Variants in BATF observed in about 807,000 individuals in gnomAD.
The protein encoded by BATF is basic leucine zipper transcriptional factor ATF-like.
A neutral mutation model predicts 13.7 loss-of-function variants in BATF; 5 were observed. The observed-to-expected ratio is 0.36, with a 90% CI of 0.19 to 0.77. The LOEUF is 0.77. Ranked by LOEUF, BATF falls within the 30% of genes least tolerant of loss-of-function variation. The pLI is 0.51. For synonymous variants in BATF, 72 were observed against 67.5 expected (o/e 1.07, Z -0.33); for missense variants, 124 against 163.0 (o/e 0.76, Z 1.30).
chr14:75,531,231 C>T (rs1400411040), intron 2 of BATF, among the ~76,000 whole-genome samples: 1 of 152,164 alleles, frequency 6.6e-6, no homozygotes, highest in Non-Finnish European at 1.5e-5. Flanking sequence ...GTCCACAGTA[C>T]TATATGATAA....
chr14:75,539,418 G>A (rs1887863530), intron 2 of BATF, among the ~76,000 whole-genome samples: 1 of 61,328 alleles, frequency 1.6e-5, no homozygotes, highest in African/African-American at 5.7e-5. Context: ...GGTAAGGTAA[G>A]CTGGAATTTT....
chr14:75,541,056 C>A (rs1248791290), intron 2 of BATF, among the ~76,000 whole-genome samples: 8 of 152,082 alleles, frequency 5.3e-5, no homozygotes, highest in Non-Finnish European at 1.2e-4. Flanking sequence ...CCACTGCACT[C>A]CCAGTCTGGG....
intron 2 of BATF, among the ~76,000 whole-genome samples, chr14:75,534,724 T>C (rs1261533091): frequency 6.6e-6 from 1 of 152,216 alleles, no homozygotes; most frequent in East Asian, 1.9e-4. Flanking sequence ...AGTGAGGTTG[T>C]AGTGAAATGG....
intron 2 of BATF, among the ~76,000 whole-genome samples, chr14:75,536,346 G>A (rs949138580): frequency 7.2e-5 from 11 of 152,248 alleles, no homozygotes; most frequent in African/African-American, 1.7e-4. Flanking sequence ...GCCAAGCTGC[G>A]AGGCCAGGCA....
At position 75,522,510 on chromosome 14, in the gene BATF, C is replaced by A; in HGVS notation, c.-173C>A. 1 of 641,742 alleles carries A rather than the reference C, an allele frequency of 1.6e-6. No individual in the cohort carries two copies. The highest frequency in any genetic ancestry group is 1.8e-5 in the South Asian group (1 of 54,228). The allele number at this position is 641,742 out of a possible 1,614,324, so 39.8% of individuals were successfully genotyped here. A position where few individuals can be genotyped will look rare whatever the true frequency, so the allele number is the denominator to read the frequency against. On this transcript the variant is annotated 5_prime_UTR_variant, in exon 1 of 3. Transcript: ENST00000286639. Reference sequence around the variant, plus strand: ...CCCTTTGGGGAGCAGTCCCTCTGCACCCCAGAGTGAGGAGGACGCAGGGGT... The same window carrying A: ...CCCTTTGGGGAGCAGTCCCTCTGCAACCCAGAGTGAGGAGGACGCAGGGGT...
chr14:75,531,513 G>C (rs1311405727), intron 2 of BATF, among the ~76,000 whole-genome samples: 2 of 152,210 alleles, frequency 1.3e-5, no homozygotes, highest in Non-Finnish European at 2.9e-5. Flanking sequence ...TAACAGCCAA[G>C]TTTGAAAGCT....
intron 2 of BATF, among the ~76,000 whole-genome samples, chr14:75,527,776 T>C (rs1224332450): frequency 6.6e-6 from 1 of 152,228 alleles, no homozygotes; most frequent in African/African-American, 2.4e-5. Context: ...TGTTCCAATC[T>C]TCCCCACATC....
At chr14:75,536,439 T>C (rs1887817377) in intron 2 of BATF, among the ~76,000 whole-genome samples, 1 of 152,034 alleles carries the variant, frequency 6.6e-6, no homozygotes, top group South Asian at 2.1e-4. Context: ...TAATGGCAAT[T>C]GTAGGGCTGA....
At position 75,543,884 on chromosome 14, in the gene BATF, T is replaced by A. The variant is rs368082462; in HGVS notation, c.169-2578T>A. Among the ~76,000 whole-genome samples the A allele has an allele frequency of 6.4e-4, 97 of 151,726 alleles. 1 individual carries two copies. In the South Asian group the frequency reaches 0.02, roughly 31 times the overall value. On this transcript the variant is annotated intron_variant, in intron 2 of 2. Transcript: ENST00000286639. ...GCTGGGCTCAAGCGATCCTCTCACCTCGGCCTCCCAAAGTGCTGGGATTAT... is the reference window on the plus strand; with the variant it reads ...GCTGGGCTCAAGCGATCCTCTCACCACGGCCTCCCAAAGTGCTGGGATTAT...
intron 2 of BATF, among the ~76,000 whole-genome samples, chr14:75,546,212 G>A (rs1887983085): frequency 6.6e-6 from 1 of 152,106 alleles, no homozygotes; most frequent in African/African-American, 2.4e-5. Context: ...GCAGCTTCAC[G>A]TGGTTCAGCC....
At chr14:75,523,528 G>A (rs959910574) in intron 1 of BATF, among the ~76,000 whole-genome samples, 2 of 152,142 alleles carry the variant, frequency 1.3e-5, no homozygotes, top group Admixed American at 1.3e-4. Flanking sequence ...AAGTCCAAAG[G>A]TTTTAGCTTG....
At chr14:75,539,804 G>A in intron 2 of BATF, among the ~76,000 whole-genome samples, 1 of 152,078 alleles carries the variant, frequency 6.6e-6, no homozygotes, top group Non-Finnish European at 1.5e-5. Flanking sequence ...AGCAGTTGGG[G>A]TGAATTTCCC....
intron 2 of BATF, among the ~76,000 whole-genome samples, chr14:75,541,689 A>G (rs539124127): frequency 2.6e-5 from 4 of 152,264 alleles, no homozygotes; most frequent in Non-Finnish European, 4.4e-5. Context: ...TTTGAGACAG[A>G]GTCTTGCTGG....
intron 2 of BATF, among the ~76,000 whole-genome samples, chr14:75,534,067 A>C (rs772225469): frequency 6.6e-6 from 1 of 152,232 alleles, no homozygotes; most frequent in Non-Finnish European, 1.5e-5. Context: ...CCAGAAAGAG[A>C]GTGAGTCCAA....
chr14:75,539,342 C>A (rs1887862671), intron 2 of BATF, among the ~76,000 whole-genome samples: 1 of 151,118 alleles, frequency 6.6e-6, no homozygotes, highest in Non-Finnish European at 1.5e-5. Flanking sequence ...TCCCTCCCGC[C>A]CATCAGGTAC....
chr14:75,544,351 G>A (rs1887948751), intron 2 of BATF, among the ~76,000 whole-genome samples: 2 of 152,024 alleles, frequency 1.3e-5, no homozygotes, highest in South Asian at 4.2e-4. Context: ...GATCCCCTGA[G>A]GTCAGGAGTT....
intron 2 of BATF, among the ~76,000 whole-genome samples, chr14:75,530,720 G>C (rs1887720001): frequency 6.6e-6 from 1 of 151,848 alleles, no homozygotes; most frequent in South Asian, 2.1e-4. Context: ...TGTTGCCCAG[G>C]CTGGTCTCGA....
At chr14:75,544,887 G>A (rs1279412892) in intron 2 of BATF, among the ~76,000 whole-genome samples, 3 of 149,462 alleles carry the variant, frequency 2.0e-5, no homozygotes, top group East Asian at 2.0e-4. Context: ...TGGTTGAGTC[G>A]AATAATGTAA....
intron 2 of BATF, among the ~76,000 whole-genome samples, chr14:75,545,221 T>G (rs1887963625): frequency 6.6e-6 from 1 of 151,834 alleles, no homozygotes; most frequent in Admixed American, 6.6e-5. Flanking sequence ...ATTTCATTTT[T>G]ATTTTTATTT....
Sources: allele counts gnomAD v4.1 joint callset (sites outside exome capture counted in the v4.1 genomes callset), GRCh38; gene constraint gnomAD v4.1.1; transcripts MANE v1.5; gene names NCBI Gene and HGNC (gene_info 2026-07-23, HGNC 2026-07-21).